The following NEDD9 variants were observed in gnomAD, a reference collection of about 807,000 sequenced individuals.
NEDD9 encodes neural precursor cell expressed, developmentally down-regulated 9.
Under a neutral mutation model 76.6 loss-of-function variants are expected in NEDD9, and 26 were observed. The ratio of observed to expected loss-of-function variants is 0.34; its 90% CI spans 0.25 to 0.47. The LOEUF (loss-of-function observed/expected upper bound fraction) is 0.47. Ranked by LOEUF, NEDD9 falls within the 20% of genes least tolerant of loss-of-function variation. The probability of loss-of-function intolerance (pLI) is 1.00; values close to 1 mark genes in which losing one functional copy is unlikely to be tolerated. For synonymous variants in NEDD9, 392 were observed against 414.2 expected (o/e 0.95, Z 0.65); for missense variants, 937 against 1,058.5 (o/e 0.89, Z 1.59).
At chr6:11,185,733 C>A in intron 6 of NEDD9, 62 bp from the exon 7 acceptor site, 1 of 1,587,936 alleles carries the variant, frequency 6.3e-7, no homozygotes, top group Non-Finnish European at 8.6e-7. Context: ...TGGAAATTCA[C>A]TAGGCCTTGG....
intron 1 of NEDD9, among the ~76,000 whole-genome samples, chr6:11,374,614 T>C (rs943084276): frequency 3.3e-5 from 5 of 152,244 alleles, no homozygotes; most frequent in African/African-American, 1.2e-4. Context: ...AGCTGCATAG[T>C]CGCATATGCT....
chr6:11,257,325 C>A (rs1760021932), intron 3 of NEDD9, among the ~76,000 whole-genome samples: 1 of 152,222 alleles, frequency 6.6e-6, no homozygotes. Context: ...TACACATTGG[C>A]AAATAACCCC....
chr6:11,309,793 A>G (rs951594441), intron 2 of NEDD9, among the ~76,000 whole-genome samples: 1 of 152,198 alleles, frequency 6.6e-6, no homozygotes, highest in Non-Finnish European at 1.5e-5. Flanking sequence ...TGGAGTTTCA[A>G]GTTGACTGCT....
intron 6 of NEDD9, among the ~76,000 whole-genome samples, chr6:11,186,395 TC>T (rs1056936629): frequency 1.3e-5 from 2 of 152,188 alleles, no homozygotes; most frequent in Admixed American, 1.3e-4. Flanking sequence ...CTTCCTTCTT[TC>T]CTCATTGCTA....
At chr6:11,250,144 G>A (rs1357504198) in intron 3 of NEDD9, among the ~76,000 whole-genome samples, 3 of 152,338 alleles carry the variant, frequency 2.0e-5, no homozygotes, top group Admixed American at 2.0e-4. Flanking sequence ...GAGGGAGGGA[G>A]AGAGACGTTG....
intron 1 of NEDD9, chr6:11,352,521 C>G (rs963644974): frequency 5.9e-5 from 9 of 152,348 alleles, no homozygotes; most frequent in Admixed American, 5.9e-4. Context: ...GAAGCTAGGA[C>G]TACCCTAGTT....
intron 2 of NEDD9, chr6:11,200,599 C>A: frequency 9.2e-7 from 1 of 1,090,352 alleles, no homozygotes; most frequent in Non-Finnish European, 1.1e-6. Context: ...AGGATCAAAT[C>A]ATGGGAGAAA....
intron 3 of NEDD9, among the ~76,000 whole-genome samples, chr6:11,295,274 G>A (rs930859153): frequency 1.3e-5 from 2 of 152,130 alleles, no homozygotes; most frequent in African/African-American, 2.4e-5. Context: ...GCCAGATTAT[G>A]TTTTATTGTT....
At position 11,297,617 on chromosome 6, in the gene NEDD9, C is replaced by T. The variant is rs138986750; in HGVS notation, c.12+8375G>A. 3.2e-3 allele frequency among the ~76,000 whole-genome samples: 494 copies of T among 152,286 alleles called. 10 individuals carry two copies. Among genetic ancestry groups the T allele is most frequent in the Admixed American group, 0.023 (352 of 15,292 alleles). ...TTTCATTATGCTCTGTGTCTCTCAT[C>T]TTCTCCCTTCAATGATTTCTTTTAG... On this transcript the variant is annotated intron_variant, in intron 3 of 3. Coordinates refer to the NEDD9 transcript ENST00000397378.
intron 2 of NEDD9, among the ~76,000 whole-genome samples, chr6:11,320,268 T>A (rs1486827486): frequency 6.6e-6 from 1 of 152,206 alleles, no homozygotes; most frequent in East Asian, 1.9e-4. Context: ...TTTCTTGGGT[T>A]GTATCATAAA....
intron 3 of NEDD9, among the ~76,000 whole-genome samples, chr6:11,289,486 T>C (rs2113372089): frequency 6.6e-6 from 1 of 152,354 alleles, no homozygotes; most frequent in East Asian, 1.9e-4. Context: ...GGAGTCTCGC[T>C]ATTTCGCCCA....
intron 3 of NEDD9, among the ~76,000 whole-genome samples, chr6:11,272,680 C>T (rs1760334296): frequency 1.3e-5 from 2 of 152,170 alleles, no homozygotes; most frequent in African/African-American, 2.4e-5. Context: ...TTCCACCTGC[C>T]TTGGTGTGCA....
intron 1 of NEDD9, among the ~76,000 whole-genome samples, chr6:11,345,810 C>T (rs1460918675): frequency 6.6e-6 from 1 of 152,004 alleles, no homozygotes; most frequent in African/African-American, 2.4e-5. Flanking sequence ...TAGCTGAGAT[C>T]GAAGGCCAAG....
chr6:11,232,349 TTGTCTGCTTGCA>T lies in NEDD9; in HGVS notation c.12+143_12+154del, dbSNP rs1235329170. ...TCTCAAAGACCGGGTCTCTGCTTGC[TTGTCTGCTTGCA>T]TGTCAACCTCAGTGACCGAGACTCA... On this transcript the variant is annotated intron_variant, in intron 1 of 6. Coordinates refer to ENST00000379446, the MANE Select transcript of NEDD9 (RefSeq NM_006403.4). Among the ~76,000 whole-genome samples the T allele has an allele frequency of 1.5e-4, 22 of 146,274 alleles. No individual in the cohort carries two copies. In the South Asian group the frequency reaches 4.9e-3, roughly 32 times the overall value.
chr6:11,295,137 T>TGG lies in NEDD9; in HGVS notation c.12+10854_12+10855insCC, dbSNP rs747642891. ...TATAAATTACCCAGTCTTGGGTAGG[T>TGG]CTTTATTAGCAGTGTGAGAACAGAC... On this transcript the variant is annotated intron_variant, in intron 3 of 3. Coordinates refer to the NEDD9 transcript ENST00000397378. 1.2e-3 allele frequency among the ~76,000 whole-genome samples: 185 copies of TGG among 152,328 alleles called. 1 individual carries two copies. Among genetic ancestry groups the TGG allele is most frequent in the Non-Finnish European group, 2.0e-3 (133 of 68,038 alleles).
chr6:11,349,312 C>T (rs1164665147), intron 1 of NEDD9, among the ~76,000 whole-genome samples: 5 of 152,166 alleles, frequency 3.3e-5, no homozygotes, highest in Admixed American at 2.0e-4. Context: ...TGCTTATATA[C>T]CATTGGTGGG....
At chr6:11,300,352 A>G (rs904672764) in intron 3 of NEDD9, among the ~76,000 whole-genome samples, 1 of 152,244 alleles carries the variant, frequency 6.6e-6, no homozygotes, top group Non-Finnish European at 1.5e-5. Flanking sequence ...TCCAGGAAAT[A>G]TAAGACTATA....
At chr6:11,234,866 A>G (rs1400401128), upstream of NEDD9, among the ~76,000 whole-genome samples, 1 of 151,986 alleles carries the variant, frequency 6.6e-6, no homozygotes, top group East Asian at 1.9e-4. Context: ...GTCTGCCACC[A>G]TACCTGGCTA....
At position 11,257,454 on chromosome 6, in the gene NEDD9, G is replaced by T. The variant is rs539400504; in HGVS notation, c.13-43727C>A. On this transcript the variant is annotated intron_variant, in intron 3 of 3. Coordinates refer to the NEDD9 transcript ENST00000397378. ...AGGGAAGAGTGCCTTCTGAGGGCCC[G>T]TGAGTACATGGAGGCAACCCTGGAA... 2.0e-5 allele frequency among the ~76,000 whole-genome samples: 3 copies of T among 152,258 alleles called. No homozygotes were observed. In the East Asian group the frequency reaches 5.8e-4, roughly 29 times the overall value.
Sources: allele counts gnomAD v4.1 joint callset (sites outside exome capture counted in the v4.1 genomes callset), GRCh38; gene constraint gnomAD v4.1.1; transcripts MANE v1.5; gene names NCBI Gene and HGNC (gene_info 2026-07-23, HGNC 2026-07-21).